Variants in RFC2 observed in about 807,000 individuals in gnomAD.
The protein encoded by RFC2 is replication factor C subunit 2, also known as A1 40 kDa subunit.
RFC2 carries 34 observed loss-of-function variants against 44.8 expected under a neutral mutation model. The ratio of observed to expected loss-of-function variants is 0.76; its 90% CI spans 0.58 to 1.01. RFC2 has a LOEUF of 1.01. RFC2 is among the 50% of genes least tolerant of loss of function. RFC2 has a pLI of 0.00. For synonymous variants in RFC2, 177 were observed against 168.9 expected (o/e 1.05, Z -0.37); for missense variants, 400 against 453.6 (o/e 0.88, Z 1.07).
At chr7:74,248,065 G>C (rs1803725165) in intron 4 of RFC2, among the ~76,000 whole-genome samples, 3 of 151,914 alleles carry the variant, frequency 2.0e-5, no homozygotes. Context: ...AAAGTGCTGG[G>C]ATTATAGGCA....
intron 10 of RFC2, among the ~76,000 whole-genome samples, chr7:74,235,223 G>A (rs904009963): frequency 6.6e-6 from 1 of 152,220 alleles, no homozygotes; most frequent in African/African-American, 2.4e-5. Flanking sequence ...TTTTAGTAGA[G>A]ATGGGGCTTT....
chr7:74,232,080 G>A lies in RFC2; in HGVS notation c.*26C>T. ...TCCTGTACCTCAGAATAGGGCACCT[G>A]TAAGTCAGTCAGTGAAGTCTCTGCT... On this transcript the variant is annotated 3_prime_UTR_variant, in exon 11 of 11. Transcript: ENST00000055077. The A allele has an allele frequency of 7.2e-7, 1 of 1,387,920 alleles. No homozygotes were observed. The highest frequency in any genetic ancestry group is 1.0e-6 in the Non-Finnish European group (1 of 975,776). 86.0% of individuals were successfully genotyped at this position (1,387,920 alleles called of 1,614,324 possible). A position where few individuals can be genotyped will look rare whatever the true frequency, so the allele number is the denominator to read the frequency against.
At chr7:74,244,251 G>A (rs750622766) in intron 5 of RFC2, among the ~76,000 whole-genome samples, 3 of 151,694 alleles carry the variant, frequency 2.0e-5, no homozygotes, top group Non-Finnish European at 2.9e-5. Flanking sequence ...CTGGGCAACA[G>A]AGTGAGGCTC....
chr7:74,245,064 TG>T (rs1803523473), intron 5 of RFC2, among the ~76,000 whole-genome samples: 1 of 151,612 alleles, frequency 6.6e-6, no homozygotes, highest in Non-Finnish European at 1.5e-5. Flanking sequence ...GTTTCGCTCT[TG>T]TTGCCCAGGT....
At position 74,249,794 on chromosome 7, in the gene RFC2, G is replaced by T; in HGVS notation, c.184-14C>A. 6.2e-7 allele frequency: 1 copy of T among 1,611,628 alleles called. No individual in the cohort carries two copies. Among genetic ancestry groups the T allele is most frequent in the South Asian group, 1.1e-5 (1 of 91,028 alleles). On this transcript the variant is annotated splice_polypyrimidine_tract_variant and intron_variant, in intron 2 of 10. Coordinates refer to ENST00000055077, the MANE Select transcript of RFC2 (RefSeq NM_181471.3). ...CCTTGCAAAGACCTACGGCGAAAATGATCATTAAAACCGGTTAAAACTTGC... is the reference window on the plus strand; with the variant it reads ...CCTTGCAAAGACCTACGGCGAAAATTATCATTAAAACCGGTTAAAACTTGC...
Position 74,249,779 on chromosome 7 carries a change from A to T in RFC2, c.185T>A (p.Val62Asp), listed in dbSNP as rs782639470. Reference protein sequence around the residue: ...GNEDTVSRLEVFAREGNVPNI... With the variant: ...GNEDTVSRLEDFAREGNVPNI... ...GGGCACATTTCCTTCCCTTGCAAAG[A>T]CCTACGGCGAAAATGATCATTAAAA... The change falls in exon 3 of 11, where the codon GTC (valine) becomes GAC (aspartate). Residue 62 changes from valine to aspartate, a missense_variant and splice_region_variant. Physicochemically the swap from Val to Asp is radical, Grantham distance 152 (BLOSUM62 -3). Transcript: ENST00000055077. The T allele has an allele frequency of 6.2e-7, 1 of 1,613,316 alleles. No individual in the cohort carries two copies. Among genetic ancestry groups the T allele is most frequent in the Non-Finnish European group, 8.5e-7 (1 of 1,179,414 alleles).
At chr7:74,236,991 C>CAA (rs1313784597) in intron 9 of RFC2, among the ~76,000 whole-genome samples, 1 of 149,686 alleles carries the variant, frequency 6.7e-6, no homozygotes, top group African/African-American at 2.4e-5. Context: ...AATAAACAAA[C>CAA]ACAGTGATTT....
intron 6 of RFC2, among the ~76,000 whole-genome samples, chr7:74,242,107 C>T (rs1366832897): frequency 6.6e-6 from 1 of 152,156 alleles, no homozygotes; most frequent in Non-Finnish European, 1.5e-5. Context: ...AGAGAAAAGA[C>T]GGACTGCAGG....
chr7:74,233,710 C>T (rs1802856085), intron 10 of RFC2: 2 of 422,554 alleles, frequency 4.7e-6, no homozygotes, highest in Non-Finnish European at 9.8e-6. Context: ...AAGCGATCCT[C>T]CTCCCTCAGC....
intron 1 of RFC2, chr7:74,253,633 A>G (rs782588076): frequency 2.6e-5 from 4 of 153,606 alleles, no homozygotes; most frequent in Non-Finnish European, 4.4e-5. Flanking sequence ...CTGAGGCAGA[A>G]TTGATTGAAC....
intron 9 of RFC2, among the ~76,000 whole-genome samples, chr7:74,236,214 G>A (rs898142157): frequency 4.8e-5 from 7 of 144,758 alleles, no homozygotes; most frequent in Admixed American, 2.1e-4. Context: ...AGGCTGCAGC[G>A]TCTGGAGGCA....
chr7:74,249,542 GA>G (rs200169108), intron 3 of RFC2, among the ~76,000 whole-genome samples, 196 bp downstream of exon 3: 19 of 148,772 alleles, frequency 1.3e-4, no homozygotes, highest in African/African-American at 3.5e-4. Flanking sequence ...CTCCGTTTCA[GA>G]AAAAAAAATA....
intron 7 of RFC2, among the ~76,000 whole-genome samples, 182 bp from the exon 8 acceptor site, chr7:74,239,170 CTTTTTTTTTTTTT>C (rs34664628): frequency 1.9e-5 from 2 of 107,974 alleles, no homozygotes; most frequent in Admixed American, 1.9e-4. Flanking sequence ...CCAAGGGTGA[CTTTTTTTTTTTTT>C]TTTTTTTTTT....
rs975014397 is a variant in RFC2, at chr7:74,238,541, A to G, written c.759+382T>C. Among the ~76,000 whole-genome samples the G allele has an allele frequency of 6.6e-6, 1 of 151,780 alleles. No individual in the cohort carries two copies. Among genetic ancestry groups the G allele is most frequent in the Non-Finnish European group, 1.5e-5 (1 of 67,944 alleles). ...TCTGAAGGCTACTGGGGAACAGCAC[A>G]GTGCTCCTGCCTGCCCTTTAGGGGC... On this transcript the variant is annotated intron_variant, in intron 8 of 10. Transcript: ENST00000055077. The surrounding 1 kb of genome is among the most constrained non-coding windows in gnomAD (Gnocchi z 4.0).
At chr7:74,234,678 G>C (rs781932268) in intron 10 of RFC2, among the ~76,000 whole-genome samples, 29 of 152,004 alleles carry the variant, frequency 1.9e-4, no homozygotes, top group Non-Finnish European at 2.6e-4. Context: ...CCCCAAGGTA[G>C]TGAGTGAGTT....
At chr7:74,249,195 GT>G (rs1284759824) in intron 3 of RFC2, 77 bp from the exon 4 acceptor site, 1 of 1,604,206 alleles carries the variant, frequency 6.2e-7, no homozygotes, top group Non-Finnish European at 8.5e-7. Flanking sequence ...GTTCACTGCT[GT>G]TTGCATCTCC....
chr7:74,244,805 G>A (rs75899645), intron 5 of RFC2, among the ~76,000 whole-genome samples: 1 of 147,976 alleles, frequency 6.8e-6, no homozygotes, highest in Non-Finnish European at 1.5e-5. Flanking sequence ...CTGCCCCTGT[G>A]AAAAAAAAAA....
chr7:74,235,581 A>G lies in RFC2; in HGVS notation c.905T>C (p.Val302Ala). 1 of 1,613,866 alleles carries G rather than the reference A, an allele frequency of 6.2e-7. No individual in the cohort carries two copies. The highest frequency in any genetic ancestry group is 8.5e-7 in the Non-Finnish European group (1 of 1,179,774). The change falls in exon 10 of 11, where the codon GTG becomes GCG. Residue 302 changes from valine to alanine, a missense_variant. Val to Ala is a moderately conservative substitution (Grantham distance 64). Transcript: ENST00000055077. Reference protein sequence around the residue: ...PEDIIGNIFRVCKTFQMAEYL... With the variant: ...PEDIIGNIFRACKTFQMAEYL... ...TTCTGCCATTTGGAAAGTTTTACAC[A>G]CTCGAAAGATGTTGCCAATGATATC...
intron 6 of RFC2, among the ~76,000 whole-genome samples, chr7:74,242,676 G>A (rs1294889795): frequency 6.6e-6 from 1 of 151,434 alleles, no homozygotes; most frequent in Non-Finnish European, 1.5e-5. Flanking sequence ...CAGCACTTTG[G>A]GAGGCCGAGG....
Sources: gnomAD v4.1 joint callset for allele counts (sites outside exome capture counted in the v4.1 genomes callset) on GRCh38, gnomAD v4.1.1 for gene constraint, Gnocchi (gnomAD v3.1) non-coding constraint, MANE v1.5 for transcripts, NCBI Gene and HGNC (gene_info 2026-07-23, HGNC 2026-07-21) for gene names.